TRAK1: variants seen among roughly 807,000 people sequenced by gnomAD.
TRAK1 encodes the protein trafficking kinesin-binding protein 1.
Under a neutral mutation model 92.1 loss-of-function variants are expected in TRAK1, and 33 were observed. The observed-to-expected ratio is 0.36, with a 90% CI of 0.27 to 0.48. The LOEUF (loss-of-function observed/expected upper bound fraction) is 0.48. Among genes scored for constraint, TRAK1 ranks in the 20% least tolerant of loss-of-function variants. The pLI, the probability that TRAK1 is intolerant of heterozygous loss-of-function variation, is 0.99. For missense variants in TRAK1, 1,123 were observed against 1,257.9 expected, an observed-to-expected ratio of 0.89 and a Z score of 1.62; for synonymous variants, 521 against 517.3, an observed-to-expected ratio of 1.01 and a Z score of -0.10.
chr3:42,214,910 G>A (rs984119357), intron 14 of TRAK1, among the ~76,000 whole-genome samples: 1 of 152,156 alleles, frequency 6.6e-6, no homozygotes, highest in African/African-American at 2.4e-5. Flanking sequence ...GTGTTATCTT[G>A]TACAACATAT....
intron 1 of TRAK1, among the ~76,000 whole-genome samples, chr3:42,039,450 G>A (rs1222250243): frequency 1.3e-5 from 2 of 152,232 alleles, no homozygotes; most frequent in South Asian, 2.1e-4. Context: ...TGCAACTTCC[G>A]CCTCCTGGGA....
At chr3:42,076,780 T>C (rs923153484) in intron 1 of TRAK1, among the ~76,000 whole-genome samples, 2 of 152,336 alleles carry the variant, frequency 1.3e-5, no homozygotes, top group East Asian at 1.9e-4. Flanking sequence ...CATTTTATTC[T>C]TTAGTCCATC....
upstream of TRAK1, among the ~76,000 whole-genome samples, chr3:42,090,581 G>T (rs1704967175): frequency 6.6e-6 from 1 of 152,200 alleles, no homozygotes; most frequent in South Asian, 2.1e-4. Context: ...AGCTACTTGG[G>T]AGGCTGAGGC....
chr3:42,225,094 C>G lies in TRAK1; in HGVS notation c.*1357C>G, dbSNP rs1005178283. On this transcript the variant is annotated 3_prime_UTR_variant, in exon 16 of 16. Transcript: ENST00000327628. The stretch of plus-strand genomic sequence containing the variant: ...ACTTTTATTTATTATTTATGTCTGC[C>G]GTATTTTAAATAAACATTCTCGTTC... 6.6e-6 allele frequency: 1 copy of G among 152,142 alleles called. No homozygotes were observed. Among genetic ancestry groups the G allele is most frequent in the African/African-American group, 2.4e-5 (1 of 41,426 alleles). The allele number at this position is 152,142 out of a possible 1,614,324, so 9.4% of individuals were successfully genotyped here.
intron 1 of TRAK1, among the ~76,000 whole-genome samples, chr3:42,053,062 T>C (rs900980467): frequency 6.6e-6 from 1 of 152,190 alleles, no homozygotes; most frequent in Non-Finnish European, 1.5e-5. Flanking sequence ...ATGTTGCTTT[T>C]TCATGTGCTG....
chr3:42,030,217 T>C lies in TRAK1; in HGVS notation c.-519+16100T>C, dbSNP rs147346586. Among the ~76,000 whole-genome samples the C allele has an allele frequency of 3.0e-3, 458 of 152,090 alleles. 2 individuals are homozygous for C. Among genetic ancestry groups the C allele is most frequent in the Non-Finnish European group, 5.0e-3 (341 of 67,970 alleles). ...GGGAGGCTGAGACAGGAGGATAGCT[T>C]GAGGCCAGAAGTTCCAGACCAGCAT... On this transcript the variant is annotated intron_variant, in intron 1 of 16. Transcript: ENST00000487159.
chr3:42,160,892 A>G (rs1189516756), intron 2 of TRAK1, among the ~76,000 whole-genome samples: 1 of 152,156 alleles, frequency 6.6e-6, no homozygotes, highest in Non-Finnish European at 1.5e-5. Flanking sequence ...TGTGCATGGC[A>G]TTCCAGCATT....
intron 2 of TRAK1, among the ~76,000 whole-genome samples, chr3:42,159,008 G>T (rs1217241691): frequency 6.9e-6 from 1 of 145,360 alleles, no homozygotes; most frequent in Admixed American, 6.9e-5. Flanking sequence ...AATAATTAGA[G>T]GATGCATATG....
At chr3:42,197,471 A>G (rs1383582170) in intron 10 of TRAK1, among the ~76,000 whole-genome samples, 1 of 152,048 alleles carries the variant, frequency 6.6e-6, no homozygotes, top group African/African-American at 2.4e-5. Flanking sequence ...CAAATTTTCT[A>G]TCTAAGATTA....
chr3:42,015,619 G>A (rs2092483382), intron 1 of TRAK1, among the ~76,000 whole-genome samples: 1 of 152,150 alleles, frequency 6.6e-6, no homozygotes, highest in African/African-American at 2.4e-5. Flanking sequence ...GCGTTTTCAG[G>A]TCTCCTTCCA....
intron 1 of TRAK1, among the ~76,000 whole-genome samples, chr3:42,111,689 C>T (rs1444714588): frequency 6.6e-6 from 1 of 152,086 alleles, no homozygotes; most frequent in African/African-American, 2.4e-5. Flanking sequence ...GCCACTGCGC[C>T]CAGCCCTAGT....
Position 42,189,049 on chromosome 3 carries a change from G to A in TRAK1, c.615G>A (p.Gln205=). 2 of 1,614,172 alleles carry A rather than the reference G, an allele frequency of 1.2e-6. No individual in the cohort carries two copies. The highest frequency in any genetic ancestry group is 2.7e-5 in the African/African-American group (2 of 75,068). Reference sequence around the variant, plus strand: ...GGAATGAGTCGTCCTCCTCAGTCCAGAATTACTTTCATTTGGATTCTCTTC... The same window carrying A: ...GGAATGAGTCGTCCTCCTCAGTCCAAAATTACTTTCATTTGGATTCTCTTC... The part of the protein sequence containing the change: ...LKRNESSSSV[Q]NYFHLDSLQK... Residue 205 remains glutamine (Q), a synonymous_variant, in exon 6 of 16, where the codon CAG becomes CAA. Coordinates refer to ENST00000327628, the MANE Select transcript of TRAK1 (RefSeq NM_001042646.3).
intron 1 of TRAK1, among the ~76,000 whole-genome samples, chr3:42,068,220 G>A (rs563016498): frequency 5.9e-5 from 9 of 151,946 alleles, no homozygotes; most frequent in Middle Eastern, 3.4e-3. Context: ...CAGCAGTGGT[G>A]TGATCATAGC....
intron 1 of TRAK1, among the ~76,000 whole-genome samples, chr3:42,108,719 G>C (rs1415093820): frequency 6.6e-6 from 1 of 151,906 alleles, no homozygotes; most frequent in African/African-American, 2.4e-5. Flanking sequence ...AAAGAATCTG[G>C]TGGCACATAC....
chr3:42,044,213 T>G (rs1702670297), intron 1 of TRAK1, among the ~76,000 whole-genome samples: 1 of 152,202 alleles, frequency 6.6e-6, no homozygotes, highest in South Asian at 2.1e-4. Flanking sequence ...CAGGCTGGAG[T>G]GCAGTGGCAC....
intron 2 of TRAK1, among the ~76,000 whole-genome samples, chr3:42,141,730 G>A (rs924523331): frequency 2.6e-5 from 4 of 152,134 alleles, no homozygotes; most frequent in Admixed American, 6.6e-5. Flanking sequence ...CTGTCTTCAC[G>A]TTGCCCTCTC....
In TRAK1 at chr3:42,115,110, G is replaced by A. The variant is rs1260675288; in HGVS notation, c.92-10310G>A. 7.2e-5 allele frequency among the ~76,000 whole-genome samples: 11 copies of A among 152,308 alleles called. No homozygotes were observed. In the East Asian group the frequency reaches 1.7e-3, roughly 24 times the overall value. ...AAACAAATTCAAATCGACAGTAATA[G>A]TCTATTTTTTGAGTATTCTCCTGGA... is the stretch of plus-strand genomic sequence containing the variant. On this transcript the variant is annotated intron_variant, in intron 1 of 15. Coordinates refer to ENST00000327628, the MANE Select transcript of TRAK1 (RefSeq NM_001042646.3).
At chr3:42,098,741 C>T (rs1159963673) in intron 1 of TRAK1, among the ~76,000 whole-genome samples, 4 of 152,278 alleles carry the variant, frequency 2.6e-5, no homozygotes, top group East Asian at 3.9e-4. Flanking sequence ...AAAGAAGGAG[C>T]GCCTAGCAGG....
At chr3:42,210,249 T>C in intron 14 of TRAK1, 3 of 1,524,864 alleles carry the variant, frequency 2.0e-6, no homozygotes, top group Admixed American at 2.2e-5. Context: ...CGCTCGTCTG[T>C]GTGGGTGATG....
Sources: gnomAD v4.1 joint callset for allele counts (sites outside exome capture counted in the v4.1 genomes callset) on GRCh38, gnomAD v4.1.1 for gene constraint, MANE v1.5 for transcripts, NCBI Gene and HGNC (gene_info 2026-07-23, HGNC 2026-07-21) for gene names.